VRK2: variants seen among roughly 807,000 people sequenced by gnomAD.
The protein encoded by VRK2 is VRK serine/threonine kinase 2.
Under a neutral mutation model 57.6 loss-of-function variants are expected in VRK2, and 60 were observed. The ratio of observed to expected loss-of-function variants is 1.04; its 90% CI spans 0.85 to 1.29. The LOEUF (loss-of-function observed/expected upper bound fraction) is 1.29. VRK2 is among the 50% of genes most tolerant of loss of function. The pLI is 0.00. For synonymous variants in VRK2, 231 were observed against 199.2 expected, an observed-to-expected ratio of 1.16 and a Z score of -1.35; for missense variants, 705 against 588.1, an observed-to-expected ratio of 1.20 and a Z score of -2.06.
intron 7 of VRK2, among the ~76,000 whole-genome samples, chr2:58,098,086 G>A (rs1443961676): frequency 2.0e-5 from 3 of 149,756 alleles, no homozygotes; most frequent in Non-Finnish European, 4.5e-5. Flanking sequence ...TAATGGGTGT[G>A]TGATTGTGTC....
intron 12 of VRK2, among the ~76,000 whole-genome samples, chr2:58,147,455 T>G (rs1393667440): frequency 6.6e-6 from 1 of 151,930 alleles, no homozygotes; most frequent in Non-Finnish European, 1.5e-5. Context: ...AAATCGTGCT[T>G]GGTGACAAAA....
intron 1 of VRK2, among the ~76,000 whole-genome samples, chr2:58,007,896 C>T (rs1401493936): frequency 1.3e-5 from 2 of 151,892 alleles, no homozygotes; most frequent in Admixed American, 6.6e-5. Flanking sequence ...AAGAACATAA[C>T]CTCATAACTC....
chr2:58,073,184 T>C (rs1048987417), intron 2 of VRK2, among the ~76,000 whole-genome samples: 1 of 152,122 alleles, frequency 6.6e-6, no homozygotes, highest in African/African-American at 2.4e-5. Flanking sequence ...TTGTATGATT[T>C]CTATTCTTTT....
chr2:57,935,182 G>A (rs563781964), intron 1 of VRK2, among the ~76,000 whole-genome samples: 41 of 152,212 alleles, frequency 2.7e-4, no homozygotes, highest in African/African-American at 8.9e-4. Flanking sequence ...TTGCATTTGA[G>A]GAAACAACCA....
At position 58,076,452 on chromosome 2, in the gene VRK2, A is replaced by G. The variant is rs1057468358; in HGVS notation, c.137-7637A>G. ...ATCACTAGCTTGAGAAAAGTTCAAA[A>G]TTTAAAAATTCGAAGTATGATTTCT... On this transcript the variant is annotated intron_variant, in intron 2 of 12. Transcript: ENST00000340157. Among the ~76,000 whole-genome samples the G allele has an allele frequency of 6.6e-5, 10 of 152,024 alleles. 1 individual carries two copies. Among genetic ancestry groups the G allele is most frequent in the Admixed American group, 5.9e-4 (9 of 15,228 alleles).
At chr2:58,003,764 A>G (rs932739577) in intron 1 of VRK2, among the ~76,000 whole-genome samples, 8 of 152,240 alleles carry the variant, frequency 5.3e-5, no homozygotes, top group Admixed American at 3.3e-4. Flanking sequence ...GATTTCAGTT[A>G]TAATTCTAAT....
Position 58,048,903 on chromosome 2 carries a change from G to A in VRK2, c.72G>A (p.Met24Ile). 6.2e-7 allele frequency: 1 copy of A among 1,614,024 alleles called. No homozygotes were observed. Among genetic ancestry groups the A allele is most frequent in the South Asian group, 1.1e-5 (1 of 91,082 alleles). The change falls in exon 2 of 13, where the codon ATG (methionine) becomes ATA (isoleucine). Residue 24 changes from methionine (M) to isoleucine (I), a missense_variant. Transcript: ENST00000340157. ...CAGAAGGCAAGGTTCTGGATGATAT[G>A]GAAGGCAATCAGTGGGTACTGGGCA... is the stretch of plus-strand genomic sequence containing the variant. ...PFPEGKVLDD[M>I]EGNQWVLGKK...
At chr2:58,116,666 A>G (rs887502940) in intron 7 of VRK2, among the ~76,000 whole-genome samples, 1 of 152,184 alleles carries the variant, frequency 6.6e-6, no homozygotes. Context: ...CTTCCGAGGC[A>G]ATCAGACAGC....
chr2:58,072,885 C>T (rs1040216736), intron 2 of VRK2, among the ~76,000 whole-genome samples: 7 of 151,864 alleles, frequency 4.6e-5, no homozygotes, highest in African/African-American at 1.5e-4. Context: ...TCTAGGCCCA[C>T]CCATCTAGAT....
At chr2:57,948,589 T>A (rs921534005) in intron 1 of VRK2, among the ~76,000 whole-genome samples, 1 of 152,058 alleles carries the variant, frequency 6.6e-6, no homozygotes, top group African/African-American at 2.4e-5. Context: ...TCTTAACTTG[T>A]GGGTTTTAAG....
At chr2:58,010,040 G>A (rs1673371937) in intron 1 of VRK2, among the ~76,000 whole-genome samples, 1 of 152,114 alleles carries the variant, frequency 6.6e-6, no homozygotes, top group African/African-American at 2.4e-5. Context: ...AGTTTGTGGT[G>A]TCTAAAGACA....
chr2:57,971,039 A>G (rs940973099), intron 1 of VRK2, among the ~76,000 whole-genome samples: 4 of 151,978 alleles, frequency 2.6e-5, no homozygotes, highest in African/African-American at 9.7e-5. Flanking sequence ...TATTTCTTAT[A>G]AACTGGTGGT....
At chr2:57,937,171 T>G (rs981921843) in intron 1 of VRK2, among the ~76,000 whole-genome samples, 1 of 152,216 alleles carries the variant, frequency 6.6e-6, no homozygotes. Flanking sequence ...AATGAACACA[T>G]GCTATGAAAT....
chr2:57,959,969 C>T (rs1485015844), intron 1 of VRK2, among the ~76,000 whole-genome samples: 6 of 148,856 alleles, frequency 4.0e-5, no homozygotes, highest in East Asian at 2.0e-4. Flanking sequence ...ATTGATCATC[C>T]GAGCCCTGGG....
intron 1 of VRK2, among the ~76,000 whole-genome samples, chr2:57,940,004 C>T (rs1225699557): frequency 6.6e-6 from 1 of 151,970 alleles, no homozygotes; most frequent in Non-Finnish European, 1.5e-5. Flanking sequence ...TAATTGTTCT[C>T]GAAATAGAAA....
intron 1 of VRK2, among the ~76,000 whole-genome samples, chr2:57,928,272 T>C (rs1670606730): frequency 6.6e-6 from 1 of 152,124 alleles, no homozygotes; most frequent in Admixed American, 6.5e-5. Context: ...AGATAGCCTG[T>C]CTTCAAGCTC....
chr2:58,134,484 G>A (rs1201158077), intron 9 of VRK2, among the ~76,000 whole-genome samples: 1 of 151,622 alleles, frequency 6.6e-6, no homozygotes, highest in African/African-American at 2.4e-5. Flanking sequence ...GGTGGCGGGC[G>A]CCTGTAGTCC....
intron 2 of VRK2, among the ~76,000 whole-genome samples, chr2:58,073,443 C>T (rs1436493929): frequency 1.3e-5 from 2 of 151,780 alleles, no homozygotes. Flanking sequence ...GTCTGTTTTT[C>T]CTTCCAGTTC....
intron 12 of VRK2, chr2:58,154,687 T>C: frequency 1.4e-6 from 1 of 714,570 alleles, no homozygotes; most frequent in Non-Finnish European, 2.6e-6. Context: ...TTTAAAGCAT[T>C]TGGAGATTTT....
Sources: gnomAD v4.1 joint callset for allele counts (sites outside exome capture counted in the v4.1 genomes callset) on GRCh38, gnomAD v4.1.1 for gene constraint, MANE v1.5 for transcripts, NCBI Gene and HGNC (gene_info 2026-07-23, HGNC 2026-07-21) for gene names.